The following BABAM2 variants were observed in gnomAD, a reference collection of about 807,000 sequenced individuals.
BABAM2 encodes the protein BRISC and BRCA1-A complex member 2.
In BABAM2, 31 loss-of-function variants were observed where a neutral mutation model predicts 54.7. That is an observed-to-expected ratio of 0.57 (90% CI 0.43 to 0.77). The LOEUF (loss-of-function observed/expected upper bound fraction) is 0.77. Among genes scored for constraint, BABAM2 ranks in the 30% least tolerant of loss-of-function variants. The pLI is 0.00. For synonymous variants in BABAM2, 167 were observed against 162.9 expected (o/e 1.03, Z -0.19); for missense variants, 364 against 455.8 (o/e 0.80, Z 1.83).
intron 7 of BABAM2, among the ~76,000 whole-genome samples, chr2:28,135,372 G>A (rs1372270824): frequency 6.6e-6 from 1 of 151,888 alleles, no homozygotes; most frequent in Non-Finnish European, 1.5e-5. Flanking sequence ...TCCATAACTT[G>A]GAGTTTTTAG....
chr2:28,111,505 A>C (rs1027119360), intron 6 of BABAM2, among the ~76,000 whole-genome samples: 1 of 152,170 alleles, frequency 6.6e-6, no homozygotes, highest in African/African-American at 2.4e-5. Context: ...TTCATGAAGT[A>C]CAATTTGTCT....
chr2:27,953,115 G>A (rs1669854091), intron 3 of BABAM2, among the ~76,000 whole-genome samples: 1 of 152,088 alleles, frequency 6.6e-6, no homozygotes, highest in Admixed American at 6.5e-5. Flanking sequence ...TCGAACTCCT[G>A]AGTTTAGGTG....
chr2:28,044,780 G>T (rs950233205), intron 5 of BABAM2, among the ~76,000 whole-genome samples: 1 of 152,106 alleles, frequency 6.6e-6, no homozygotes, highest in Non-Finnish European at 1.5e-5. Flanking sequence ...AGTAGTTCTG[G>T]ATCATTTCTG....
chr2:28,053,798 T>C (rs928984510), intron 6 of BABAM2, among the ~76,000 whole-genome samples: 2 of 152,128 alleles, frequency 1.3e-5, no homozygotes, highest in African/African-American at 4.8e-5. Flanking sequence ...ATGGTCTCTG[T>C]CACAACTACT....
chr2:28,316,736 G>A (rs1689592049), intron 11 of BABAM2, among the ~76,000 whole-genome samples: 1 of 152,192 alleles, frequency 6.6e-6, no homozygotes, highest in Non-Finnish European at 1.5e-5. Context: ...CCCTTGTGGG[G>A]AGATGCGTGT....
chr2:27,990,756 CT>C (rs1476144299), intron 4 of BABAM2, among the ~76,000 whole-genome samples: 7 of 151,752 alleles, frequency 4.6e-5, no homozygotes, highest in African/African-American at 1.7e-4. Context: ...AAAAAAATGA[CT>C]CTTCAATGTG....
At chr2:27,902,241 T>TC (rs1452623858) in intron 2 of BABAM2, among the ~76,000 whole-genome samples, 1 of 152,140 alleles carries the variant, frequency 6.6e-6, no homozygotes, top group East Asian at 1.9e-4. Flanking sequence ...ATTGAGTGAG[T>TC]CACCCAACAT....
chr2:28,211,281 C>T (rs1018408965), intron 7 of BABAM2, among the ~76,000 whole-genome samples: 12 of 151,576 alleles, frequency 7.9e-5, no homozygotes, highest in African/African-American at 2.9e-4. Flanking sequence ...AGTTTTCAAG[C>T]ATACATAGAA....
chr2:28,105,355 G>A (rs1454776345), intron 6 of BABAM2, among the ~76,000 whole-genome samples: 4 of 152,160 alleles, frequency 2.6e-5, no homozygotes, highest in Non-Finnish European at 5.9e-5. Context: ...AGAGGCAGAA[G>A]ATACTGACTG....
chr2:27,933,934 A>G, intron 3 of BABAM2, among the ~76,000 whole-genome samples: 1 of 151,838 alleles, frequency 6.6e-6, no homozygotes, highest in Non-Finnish European at 1.5e-5. Flanking sequence ...ATCCCTCAAT[A>G]TCCATGGGGG....
At chr2:28,109,477 C>T (rs916623323) in intron 6 of BABAM2, among the ~76,000 whole-genome samples, 1 of 152,022 alleles carries the variant, frequency 6.6e-6, no homozygotes, top group African/African-American at 2.4e-5. Context: ...TGTGAGCCAC[C>T]GCACCCTGCC....
chr2:27,904,558 C>A (rs1254925112), intron 2 of BABAM2, among the ~76,000 whole-genome samples: 1 of 152,138 alleles, frequency 6.6e-6, no homozygotes, highest in Non-Finnish European at 1.5e-5. Context: ...GAGATGCATT[C>A]TTTAACAGAA....
intron 10 of BABAM2, among the ~76,000 whole-genome samples, chr2:28,283,660 G>A (rs1686566820): frequency 6.6e-6 from 1 of 152,186 alleles, no homozygotes. Flanking sequence ...TAACCTAATA[G>A]CCTGGGCCCA....
At chr2:28,261,540 C>T (rs1274170839) in intron 10 of BABAM2, among the ~76,000 whole-genome samples, 3 of 151,960 alleles carry the variant, frequency 2.0e-5, no homozygotes, top group Non-Finnish European at 4.4e-5. Context: ...TCATTTCACC[C>T]TGTTAGCCAG....
chr2:28,306,162 T>C (rs984320761), intron 11 of BABAM2, among the ~76,000 whole-genome samples: 1 of 152,244 alleles, frequency 6.6e-6, no homozygotes, highest in African/African-American at 2.4e-5. Flanking sequence ...TCTTGATAAA[T>C]ATTCCATGTA....
At chr2:28,323,848 C>T (rs1690229148) in intron 11 of BABAM2, among the ~76,000 whole-genome samples, 1 of 152,152 alleles carries the variant, frequency 6.6e-6, no homozygotes, top group African/African-American at 2.4e-5. Context: ...CTGCACACAC[C>T]CTCCTTCTTG....
intron 6 of BABAM2, among the ~76,000 whole-genome samples, chr2:28,109,918 A>T (rs1667854745): frequency 6.6e-6 from 1 of 152,116 alleles, no homozygotes; most frequent in Admixed American, 6.6e-5. Flanking sequence ...TTTTAGTTAC[A>T]GTTCAGTGAT....
At chr2:28,089,833 A>G (rs1284341920) in intron 6 of BABAM2, among the ~76,000 whole-genome samples, 1 of 152,140 alleles carries the variant, frequency 6.6e-6, no homozygotes, top group African/African-American at 2.4e-5. Context: ...ATTACCTTCA[A>G]TGCGATTAAT....
intron 9 of BABAM2, among the ~76,000 whole-genome samples, chr2:28,242,770 G>A (rs1460370850): frequency 6.6e-6 from 1 of 152,018 alleles, no homozygotes; most frequent in Non-Finnish European, 1.5e-5. Flanking sequence ...TTCCCATAAT[G>A]GAATTTTTCA....
Sources: gnomAD v4.1 joint callset for allele counts (sites outside exome capture counted in the v4.1 genomes callset) on GRCh38, gnomAD v4.1.1 for gene constraint, MANE v1.5 for transcripts, NCBI Gene and HGNC (gene_info 2026-07-23, HGNC 2026-07-21) for gene names.